AHCYL2: variants seen among roughly 807,000 people sequenced by gnomAD.
The protein encoded by AHCYL2 is S-adenosylhomocysteine hydrolase-like protein 2.
In AHCYL2, 28 loss-of-function variants were observed where a neutral mutation model predicts 81.4. The ratio of observed to expected loss-of-function variants is 0.34; its 90% CI spans 0.25 to 0.47. The LOEUF is 0.47. Among genes scored for constraint, AHCYL2 ranks in the 20% least tolerant of loss-of-function variants. The pLI, the probability that AHCYL2 is intolerant of heterozygous loss-of-function variation, is 1.00. For missense variants in AHCYL2, 551 were observed against 785.1 expected, an observed-to-expected ratio of 0.70 and a Z score of 3.56; for synonymous variants, 272 against 290.2, an observed-to-expected ratio of 0.94 and a Z score of 0.64.
intron 1 of AHCYL2, among the ~76,000 whole-genome samples, chr7:129,365,220 T>C (rs920580959): frequency 6.6e-6 from 1 of 152,132 alleles, no homozygotes; most frequent in Non-Finnish European, 1.5e-5. Flanking sequence ...TTTTTTAAGG[T>C]CAGGTTTCAT....
chr7:129,321,743 G>GTTTTTTTTTT, intron 1 of AHCYL2, among the ~76,000 whole-genome samples: 14 of 77,624 alleles, frequency 1.8e-4, no homozygotes, highest in African/African-American at 5.0e-4. Flanking sequence ...TTCTTTCTTT[G>GTTTTTTTTTT]TTTTTTTTTT....
At chr7:129,283,770 C>T (rs1392350431) in intron 1 of AHCYL2, among the ~76,000 whole-genome samples, 1 of 152,092 alleles carries the variant, frequency 6.6e-6, no homozygotes, top group Non-Finnish European at 1.5e-5. Context: ...AACTCAGCAT[C>T]ACTATCTTTT....
chr7:129,309,803 T>A (rs1245332896), intron 1 of AHCYL2, among the ~76,000 whole-genome samples: 1 of 152,156 alleles, frequency 6.6e-6, no homozygotes, highest in Non-Finnish European at 1.5e-5. Context: ...CACCATTTTT[T>A]TTTTTAATTT....
At position 129,397,205 on chromosome 7, in the gene AHCYL2, C is replaced by G; in HGVS notation, c.721-17C>G. 6.2e-7 allele frequency: 1 copy of G among 1,609,318 alleles called. No homozygotes were observed. The highest frequency in any genetic ancestry group is 8.5e-7 in the Non-Finnish European group (1 of 1,177,836). On this transcript the variant is annotated splice_polypyrimidine_tract_variant and intron_variant, in intron 4 of 16. Transcript: ENST00000325006. ...TTGGCCCAGGCTTGCTCATACCCTG[C>G]TTTGTCTTTAATACAGGTGCTTATG... is the stretch of plus-strand genomic sequence containing the variant.
rs1233224888 is a variant in AHCYL2, at chr7:129,426,366, A to G, written c.1709-77A>G. The G allele has an allele frequency of 6.2e-7, 1 of 1,608,950 alleles. No homozygotes were observed. The highest frequency in any genetic ancestry group is 1.3e-5 in the African/African-American group (1 of 74,752). On this transcript the variant is annotated intron_variant, in intron 15 of 16. Coordinates refer to ENST00000325006, the MANE Select transcript of AHCYL2 (RefSeq NM_015328.4). The surrounding 1 kb of genome is among the most constrained non-coding windows in gnomAD (Gnocchi z 4.3). ...ATTAGAAGGTGTCTTTGAACTTTTT[A>G]AGGCCTAGCTTGGGGACAATAGCCA...
Position 129,389,738 on chromosome 7 carries a change from A to G in AHCYL2, c.720+4A>G, listed in dbSNP as rs766911111. The G allele has an allele frequency of 1.9e-6, 3 of 1,599,544 alleles. No homozygotes were observed. The highest frequency in any genetic ancestry group is 2.6e-6 in the Non-Finnish European group (3 of 1,175,720). On this transcript the variant is annotated splice_donor_region_variant and intron_variant, in intron 4 of 16. Coordinates refer to ENST00000325006, the MANE Select transcript of AHCYL2 (RefSeq NM_015328.4). Reference sequence around the variant, plus strand: ...ACACATCACTGCTCAGACTGCTGTGAGTTCTTTTCTTTTCTCCTTTTAATT... The same window carrying G: ...ACACATCACTGCTCAGACTGCTGTGGGTTCTTTTCTTTTCTCCTTTTAATT...
intron 6 of AHCYL2, among the ~76,000 whole-genome samples, chr7:129,402,984 A>C (rs1204188353): frequency 6.6e-6 from 1 of 152,156 alleles, no homozygotes; most frequent in Non-Finnish European, 1.5e-5. Flanking sequence ...TATTTAAACT[A>C]AGTCTTGACT....
At chr7:129,299,250 C>G (rs959689079) in intron 1 of AHCYL2, among the ~76,000 whole-genome samples, 1 of 143,008 alleles carries the variant, frequency 7.0e-6, no homozygotes, top group Non-Finnish European at 1.5e-5. Flanking sequence ...TGAGAGCAGC[C>G]TGGGAACCAT....
chr7:129,225,203 C>G lies in AHCYL2; in HGVS notation c.127C>G (p.Pro43Ala), dbSNP rs765258406. The G allele has an allele frequency of 6.5e-7, 1 of 1,550,208 alleles. No individual in the cohort carries two copies. Among genetic ancestry groups the G allele is most frequent in the South Asian group, 1.2e-5 (1 of 85,342 alleles). Residue 43 changes from proline to alanine, a missense_variant, in exon 1 of 17, where the codon CCC (proline) becomes GCC (alanine). Physicochemically the swap from Pro to Ala is conservative, Grantham distance 27. Around this residue, in one of 2 missense-constraint regions of AHCYL2, gnomAD observed 235 missense variants for 242.1 expected, o/e 0.97. Coordinates refer to ENST00000325006, the MANE Select transcript of AHCYL2 (RefSeq NM_015328.4). The stretch of plus-strand genomic sequence containing the variant: ...CACGGCCGCCGTGGGCGCCATGGCC[C>G]CCCCGGCGGGCGGTGGAGACCCTGA... ...LSTAAVGAMA[P>A]PAGGGDPEAP...
intron 1 of AHCYL2, among the ~76,000 whole-genome samples, chr7:129,363,694 C>T (rs936497098): frequency 2.6e-5 from 4 of 152,066 alleles, no homozygotes; most frequent in East Asian, 3.9e-4. Context: ...CCCGCCACCA[C>T]GCCCAGCTAA....
At chr7:129,278,051 T>A (rs1395276885) in intron 1 of AHCYL2, among the ~76,000 whole-genome samples, 1 of 152,216 alleles carries the variant, frequency 6.6e-6, no homozygotes, top group Non-Finnish European at 1.5e-5. Context: ...AGGTTTGAAT[T>A]CCTCCACATC....
intron 1 of AHCYL2, among the ~76,000 whole-genome samples, chr7:129,279,244 G>GTT (rs796201644): frequency 7.0e-5 from 10 of 143,150 alleles, no homozygotes; most frequent in Admixed American, 7.0e-5. Flanking sequence ...GTGTTTGGTA[G>GTT]TTTTTTTTTT....
intron 1 of AHCYL2, among the ~76,000 whole-genome samples, chr7:129,283,723 A>G (rs923147490): frequency 1.3e-5 from 2 of 152,178 alleles, no homozygotes; most frequent in African/African-American, 4.8e-5. Context: ...TGACTCAAAC[A>G]ATATAGTACT....
chr7:129,414,178 CT>C (rs1796729806), intron 12 of AHCYL2, among the ~76,000 whole-genome samples: 1 of 152,136 alleles, frequency 6.6e-6, no homozygotes. Context: ...GCGGTTTCTT[CT>C]TTTATCCCTC....
intron 1 of AHCYL2, among the ~76,000 whole-genome samples, chr7:129,359,593 C>T (rs1333611636): frequency 6.6e-6 from 1 of 152,322 alleles, no homozygotes; most frequent in African/African-American, 2.4e-5. Flanking sequence ...TAACCCCCAA[C>T]CTCCAGCTCA....
rs1797453803 is a variant in AHCYL2, at chr7:129,428,591, C to T, written c.*1546C>T. On this transcript the variant is annotated 3_prime_UTR_variant, in exon 17 of 17. Transcript: ENST00000325006. ...CTGGTCTGCCTCAAAGTCTCAAGAC[C>T]AAGGTGACTCAAGATAACACCAGAC... 1 of 152,156 alleles carries T rather than the reference C, an allele frequency of 6.6e-6. No homozygotes were observed. The highest frequency in any genetic ancestry group is 1.5e-5 in the Non-Finnish European group (1 of 68,052). The allele number at this position is 152,156 out of a possible 1,614,324, so 9.4% of individuals were successfully genotyped here.
In AHCYL2 at chr7:129,339,981, T is replaced by G. The variant is rs904718462; in HGVS notation, c.364-39657T>G. Among the ~76,000 whole-genome samples the G allele has an allele frequency of 4.3e-5, 6 of 140,986 alleles. No homozygotes were observed. In the Admixed American group the frequency reaches 4.7e-4, roughly 11 times the overall value. 92.5% of individuals were successfully genotyped at this position (140,986 alleles called of 152,430 possible). On this transcript the variant is annotated intron_variant, in intron 1 of 16. Transcript: ENST00000325006. ...TCGCCCAGGCTGGAGTGCAGTGACG[T>G]GATCTCGGCTCACTGCAAGCTCCGC...
chr7:129,280,443 A>G (rs1796393846), intron 1 of AHCYL2, among the ~76,000 whole-genome samples: 1 of 152,148 alleles, frequency 6.6e-6, no homozygotes, highest in Non-Finnish European at 1.5e-5. Flanking sequence ...TGTTGGGATT[A>G]CAAGCATGAG....
chr7:129,271,996 T>C (rs1442747071), intron 1 of AHCYL2, among the ~76,000 whole-genome samples: 2 of 152,226 alleles, frequency 1.3e-5, no homozygotes, highest in Non-Finnish European at 2.9e-5. Flanking sequence ...GTGACTTGTT[T>C]GGTGAAATGT....
Sources: allele counts gnomAD v4.1 joint callset (sites outside exome capture counted in the v4.1 genomes callset), GRCh38; gene constraint gnomAD v4.1.1; regional missense constraint gnomAD v4.1.1; non-coding constraint Gnocchi (gnomAD v3.1); transcripts MANE v1.5; gene names NCBI Gene and HGNC (gene_info 2026-07-23, HGNC 2026-07-21).